The following SLC6A18 variants were observed in gnomAD, a reference collection of about 807,000 sequenced individuals.
SLC6A18 encodes the protein inactive sodium-dependent neutral amino acid transporter B(0)AT3.
A neutral mutation model predicts 62.9 loss-of-function variants in SLC6A18; 58 were observed. The observed-to-expected ratio is 0.92, with a 90% CI of 0.75 to 1.15. SLC6A18 has a LOEUF of 1.15. Ranked by LOEUF, SLC6A18 falls within the 50% of genes most tolerant of loss-of-function variation. The pLI, the probability that SLC6A18 is intolerant of heterozygous loss-of-function variation, is 0.00. For missense variants in SLC6A18, 793 were observed against 836.6 expected (o/e 0.95, Z 0.64); for synonymous variants, 382 against 365.8 (o/e 1.04, Z -0.51).
rs202091732 is a variant in SLC6A18 at position 1,244,626 on chromosome 5, G to A, written c.1515G>A (p.Ala505=). ...YGMKRFCDDI[A]WMTGRRPSPY... is the part of the protein sequence containing the mutation. The stretch of plus-strand genomic sequence containing the variant: ...GGTGCAGGTTCTGCGATGACATTGC[G>A]TGGATGACCGGGAGGCGGCCCAGCC... Residue 505 remains alanine, a synonymous_variant, in exon 11 of 12, where the codon GCG becomes GCA. Transcript: ENST00000324642. 2.2e-5 allele frequency: 35 copies of A among 1,603,392 alleles called. No homozygotes were observed. The highest frequency in any genetic ancestry group is 2.5e-5 in the Non-Finnish European group (29 of 1,172,462).
At chr5:1,236,955 T>C (rs995997175) in intron 4 of SLC6A18, among the ~76,000 whole-genome samples, 1 of 151,948 alleles carries the variant, frequency 6.6e-6, no homozygotes, top group Non-Finnish European at 1.5e-5. Flanking sequence ...CATCCCAAGC[T>C]GGGCACAGTG....
At chr5:1,235,706 C>T (rs376143100) in intron 4 of SLC6A18, 44 bp downstream of exon 4, 37 of 1,589,528 alleles carry the variant, frequency 2.3e-5, no homozygotes, top group African/African-American at 4.0e-5. Context: ...CTTCCTCCAG[C>T]CCCCAAGACC....
At chr5:1,234,478 G>T (rs944792757) in intron 3 of SLC6A18, among the ~76,000 whole-genome samples, 3 of 152,226 alleles carry the variant, frequency 2.0e-5, no homozygotes, top group African/African-American at 7.2e-5. Flanking sequence ...CGAGTTCCTG[G>T]GTGATGGTTT....
In SLC6A18 at chr5:1,242,703, G is replaced by A. The variant is rs371606979; in HGVS notation, c.975-4G>A. 5.6e-6 allele frequency: 9 copies of A among 1,599,380 alleles called. No homozygotes were observed. Among genetic ancestry groups the A allele is most frequent in the Middle Eastern group, 1.7e-4 (1 of 6,008 alleles). Reference sequence around the variant, plus strand: ...TGAGCCCACAGTCCTCTCTGTCCCCGCAGAAACATCCTCAGCCTCATCAAC... The same window carrying A: ...TGAGCCCACAGTCCTCTCTGTCCCCACAGAAACATCCTCAGCCTCATCAAC... On this transcript the variant is annotated splice_region_variant and splice_polypyrimidine_tract_variant and intron_variant, in intron 7 of 11. Transcript: ENST00000324642.
In SLC6A18 at chr5:1,241,694, G is replaced by A. The variant is rs542502986; in HGVS notation, c.975-1013G>A. On this transcript the variant is annotated intron_variant, in intron 7 of 11. Transcript: ENST00000324642. The surrounding 1 kb of genome is among the most constrained non-coding windows in gnomAD (Gnocchi z 7.8). Reference sequence around the variant, plus strand: ...ATTTATAGGATTTACAGGATGAGCCGGGTCAAGAAGGCAGAGCTGGGCTTT... The same window carrying A: ...ATTTATAGGATTTACAGGATGAGCCAGGTCAAGAAGGCAGAGCTGGGCTTT... 1.2e-4 allele frequency among the ~76,000 whole-genome samples: 19 copies of A among 152,340 alleles called. No homozygotes were observed. Among genetic ancestry groups the A allele is most frequent in the East Asian group, 1.9e-4 (1 of 5,190 alleles).
intron 5 of SLC6A18, among the ~76,000 whole-genome samples, chr5:1,239,112 A>G (rs1243057116): frequency 6.6e-6 from 1 of 152,188 alleles, no homozygotes; most frequent in Non-Finnish European, 1.5e-5. Flanking sequence ...ATCACCCAGA[A>G]CCGCCCGGTT....
At chr5:1,240,727 A>G in intron 7 of SLC6A18, 68 bp downstream of exon 7, 1 of 1,595,880 alleles carries the variant, frequency 6.3e-7, no homozygotes, top group Non-Finnish European at 8.5e-7. Flanking sequence ...CGCACCGAGA[A>G]TCCCAAGGCA....
In SLC6A18 at chr5:1,241,807, T is replaced by C. The variant is rs570512954; in HGVS notation, c.975-900T>C. Among the ~76,000 whole-genome samples, 1 of 152,204 alleles carries C rather than the reference T, an allele frequency of 6.6e-6. No homozygotes were observed. The highest frequency in any genetic ancestry group is 1.9e-4 in the East Asian group (1 of 5,170). ...GCAAGTAACTGTAAAAGTGCGCAAA[T>C]ATTGACGGGGTTACAAGCACATCTC... On this transcript the variant is annotated intron_variant, in intron 7 of 11. Transcript: ENST00000324642. This position sits in a 1 kb window ranked among gnomAD's most constrained non-coding sequence, Gnocchi z 7.8.
chr5:1,235,038 G>C (rs1308782155), intron 3 of SLC6A18, among the ~76,000 whole-genome samples: 1 of 152,208 alleles, frequency 6.6e-6, no homozygotes, highest in African/African-American at 2.4e-5. Flanking sequence ...GAGGAAGTGG[G>C]AGTCACAGGA....
intron 5 of SLC6A18, 22 bp from the exon 6 acceptor site, chr5:1,239,428 C>T (rs368982845): frequency 4.4e-5 from 69 of 1,576,956 alleles, no homozygotes; most frequent in Admixed American, 2.7e-4. Flanking sequence ...CTGAGTGAGA[C>T]GCTCTCCCTG....
rs117361553 is a variant in SLC6A18 at position 1,243,306 on chromosome 5, C to T, written c.1132-249C>T. On this transcript the variant is annotated intron_variant, in intron 8 of 11. Coordinates refer to ENST00000324642, the MANE Select transcript of SLC6A18 (RefSeq NM_182632.3). The surrounding 1 kb of genome is among the most constrained non-coding windows in gnomAD (Gnocchi z 6.5). ...GGTGCCTGACTCTAGGCATAAAAGG[C>T]GCTGGTTTCTAGGCCCAGCTGCCTG... is the stretch of plus-strand genomic sequence containing the variant. Among the ~76,000 whole-genome samples, 3 of 152,274 alleles carry T rather than the reference C, an allele frequency of 2.0e-5. No homozygotes were observed. The highest frequency in any genetic ancestry group is 1.9e-4 in the East Asian group (1 of 5,178).
At chr5:1,227,073 C>A (rs185637292) in intron 1 of SLC6A18, among the ~76,000 whole-genome samples, 5 of 69,076 alleles carry the variant, frequency 7.2e-5, no homozygotes, top group South Asian at 5.5e-4. Flanking sequence ...GCCCGCCGAC[C>A]CCTTGCCCGC....
chr5:1,245,473 G>T lies in SLC6A18; in HGVS notation c.1657-375G>T, dbSNP rs7716467. On this transcript the variant is annotated intron_variant, in intron 11 of 11. Transcript: ENST00000324642. ...GAAGGAGGAGTGACCATGTATTTTT[G>T]AAGAATTTCCACGGTACCTGCAGCC... Among the ~76,000 whole-genome samples the T allele has an allele frequency of 1.7e-3, 257 of 152,318 alleles. 1 individual carries two copies. Among genetic ancestry groups the T allele is most frequent in the African/African-American group, 5.6e-3 (232 of 41,570 alleles).
rs144208211 is a variant in SLC6A18 at position 1,232,278 on chromosome 5, G to A, written c.220G>A (p.Val74Ile). 1.1e-4 allele frequency: 172 copies of A among 1,612,994 alleles called. No individual in the cohort carries two copies. Among genetic ancestry groups the A allele is most frequent in the Middle Eastern group, 1.0e-3 (6 of 5,930 alleles). Reference protein sequence around the residue: ...LVFEGIPIFHVELAIGQRLRK... With the variant: ...LVFEGIPIFHIELAIGQRLRK... The stretch of plus-strand genomic sequence containing the variant: ...CTTCGAGGGGATCCCCATTTTCCAC[G>A]TCGAGCTCGCCATCGGCCAGCGGCT... Residue 74 changes from valine to isoleucine, a missense_variant, in exon 2 of 12, where the codon GTC (valine) becomes ATC (isoleucine). Transcript: ENST00000324642.
In SLC6A18 at chr5:1,233,749, A is replaced by ATTTTTTTTTTT. The variant is rs70957337; in HGVS notation, c.439+871_439+872insTTTTTTTTTTT. ...AGACAAGTGCCTCCACACTCAGCTA[A>ATTTTTTTTTTT]TTTTTTTTTTGAGACGGAGTCTTGC... On this transcript the variant is annotated intron_variant, in intron 3 of 11. Coordinates refer to ENST00000324642, the MANE Select transcript of SLC6A18 (RefSeq NM_182632.3). Among the ~76,000 whole-genome samples the ATTTTTTTTTTT allele has an allele frequency of 4.7e-4, 65 of 138,622 alleles. 2 individuals carry two copies. The highest frequency in any genetic ancestry group is 2.0e-3 in the Admixed American group (28 of 13,910). 90.9% of individuals were successfully genotyped at this position (138,622 alleles called of 152,430 possible). A position where few individuals can be genotyped will look rare whatever the true frequency, so the allele number is the denominator to read the frequency against.
Position 1,243,749 on chromosome 5 carries a change from G to A in SLC6A18, c.1326G>A (p.Glu442=), listed in dbSNP as rs1255870632. The A allele has an allele frequency of 4.0e-5, 64 of 1,605,876 alleles. No homozygotes were observed. The highest frequency in any genetic ancestry group is 5.4e-5 in the Non-Finnish European group (63 of 1,175,478). The change falls in exon 9 of 12, where the codon GAG becomes GAA. Residue 442 remains glutamate (E), a synonymous_variant. Transcript: ENST00000324642. This position sits in a 1 kb window ranked among gnomAD's most constrained non-coding sequence, Gnocchi z 6.5. ...TCCTGCCTAGATGGGTCCCCAAGGA[G>A]GCCCTGACTGGTGAGCGCACAGCTC... is the stretch of plus-strand genomic sequence containing the variant. ...VGVLPRWVPK[E]ALTGLVCLVC...
intron 4 of SLC6A18, 115 bp downstream of exon 4, chr5:1,235,777 T>A (rs1430196810): frequency 1.3e-5 from 13 of 1,024,210 alleles, no homozygotes; most frequent in Non-Finnish European, 1.8e-5. Context: ...CATAAACATC[T>A]AGGATTGCAA....
rs1410011830 is a variant in SLC6A18, at chr5:1,242,825, C to A, written c.1093C>A (p.Pro365Thr). The A allele has an allele frequency of 1.2e-6, 2 of 1,613,270 alleles. No homozygotes were observed. Among genetic ancestry groups the A allele is most frequent in the South Asian group, 2.2e-5 (2 of 90,974 alleles). The stretch of plus-strand genomic sequence containing the variant: ...CTGGCCCAAGAGGGTGGCCCAGCTC[C>A]CCCTGAAGGCCTGCCTCCTGGAAGA... ...ATWPKRVAQL[P>T]LKACLLEDFL... is the part of the protein sequence containing the mutation. Residue 365 changes from proline to threonine, a missense_variant, in exon 8 of 12, where the codon CCC becomes ACC. Transcript: ENST00000324642.
chr5:1,244,617 T>A lies in SLC6A18; in HGVS notation c.1506T>A (p.Asp502Glu), dbSNP rs773104238. 6.3e-7 allele frequency: 1 copy of A among 1,598,298 alleles called. No individual in the cohort carries two copies. The highest frequency in any genetic ancestry group is 1.7e-5 in the Admixed American group (1 of 59,204). The stretch of plus-strand genomic sequence containing the variant: ...CCAGCATCTGGTGCAGGTTCTGCGA[T>A]GACATTGCGTGGATGACCGGGAGGC... ...VYVYGMKRFC[D>E]DIAWMTGRRP... is the part of the protein sequence containing the mutation. Residue 502 changes from aspartate to glutamate, a missense_variant, in exon 11 of 12, where the codon GAT (aspartate) becomes GAA (glutamate). Transcript: ENST00000324642.
Sources: allele counts gnomAD v4.1 joint callset (sites outside exome capture counted in the v4.1 genomes callset), GRCh38; gene constraint gnomAD v4.1.1; non-coding constraint Gnocchi (gnomAD v3.1); transcripts MANE v1.5; gene names NCBI Gene and HGNC (gene_info 2026-07-23, HGNC 2026-07-21).